LDAH: variants seen among roughly 807,000 people sequenced by gnomAD.
LDAH encodes the protein lipid droplet associated hydrolase.
In LDAH, 26 loss-of-function variants were observed where a neutral mutation model predicts 29.6. The observed-to-expected ratio is 0.88, with a 90% CI of 0.64 to 1.22. The LOEUF (loss-of-function observed/expected upper bound fraction) is 1.22. LDAH is among the 50% of genes most tolerant of loss of function. The pLI is 0.00. For missense variants in LDAH, 344 were observed against 387.3 expected (o/e 0.89, Z 0.94); for synonymous variants, 117 against 133.0 (o/e 0.88, Z 0.83).
At chr2:20,709,938 T>C (rs778999306) in intron 5 of LDAH, among the ~76,000 whole-genome samples, 2 of 152,086 alleles carry the variant, frequency 1.3e-5, no homozygotes, top group Non-Finnish European at 2.9e-5. Flanking sequence ...GCCAAAGCAG[T>C]AGTTAGAGAG....
downstream of LDAH, chr2:20,683,909 T>C (rs193136470): frequency 6.6e-6 from 1 of 151,940 alleles, no homozygotes; most frequent in African/African-American, 2.4e-5. Flanking sequence ...TGAAGTCTTA[T>C]GTCACAAACC....
intron 1 of LDAH, among the ~76,000 whole-genome samples, chr2:20,817,897 C>T (rs1450468567): frequency 4.6e-5 from 7 of 152,142 alleles, no homozygotes; most frequent in African/African-American, 1.7e-4. Context: ...AGTCCATCTA[C>T]ACAATATCCT....
intron 3 of LDAH, among the ~76,000 whole-genome samples, chr2:20,784,519 C>G (rs114791064): frequency 6.6e-6 from 1 of 152,116 alleles, no homozygotes; most frequent in Admixed American, 6.5e-5. Flanking sequence ...ACTCTCTATT[C>G]CTAGCTTTAA....
chr2:20,788,936 G>C (rs570519290), intron 3 of LDAH: 1 of 502,936 alleles, frequency 2.0e-6, no homozygotes, highest in East Asian at 3.6e-5. Flanking sequence ...GAGGTAGTTT[G>C]CATCTCCATG....
intron 4 of LDAH, among the ~76,000 whole-genome samples, chr2:20,741,037 C>G (rs1667134338): frequency 6.6e-6 from 1 of 152,098 alleles, no homozygotes; most frequent in Non-Finnish European, 1.5e-5. Flanking sequence ...TGTGGAGCAT[C>G]TTCTCATATG....
intron 6 of LDAH, among the ~76,000 whole-genome samples, chr2:20,690,324 T>C (rs1662910343): frequency 6.6e-6 from 1 of 152,238 alleles, no homozygotes; most frequent in Non-Finnish European, 1.5e-5. Context: ...AGCAGAACAG[T>C]GAGGAGTCTA....
At chr2:20,778,749 G>A (rs1417810631) in intron 3 of LDAH, among the ~76,000 whole-genome samples, 1 of 152,052 alleles carries the variant, frequency 6.6e-6, no homozygotes, top group Non-Finnish European at 1.5e-5. Flanking sequence ...CACAATAGAA[G>A]GGTAACGGCC....
intron 6 of LDAH, among the ~76,000 whole-genome samples, chr2:20,688,310 T>C (rs914769314): frequency 6.6e-6 from 1 of 152,102 alleles, no homozygotes; most frequent in African/African-American, 2.4e-5. Flanking sequence ...TGAAAGAGCA[T>C]GGCATGTGTG....
chr2:20,709,460 G>C (rs1049088831), intron 5 of LDAH, among the ~76,000 whole-genome samples: 22 of 151,672 alleles, frequency 1.5e-4, no homozygotes, highest in African/African-American at 5.1e-4. Context: ...ACCACAATGA[G>C]ATACTACTTC....
At chr2:20,781,452 C>T (rs897121451) in intron 3 of LDAH, among the ~76,000 whole-genome samples, 4 of 152,142 alleles carry the variant, frequency 2.6e-5, no homozygotes, top group Middle Eastern at 3.2e-3. Context: ...ATATTTTTCA[C>T]GCCATTATTT....
chr2:20,791,936 A>T (rs1670986510), intron 2 of LDAH, among the ~76,000 whole-genome samples: 1 of 152,112 alleles, frequency 6.6e-6, no homozygotes, highest in South Asian at 2.1e-4. Flanking sequence ...CAAATAATTC[A>T]GTTTATTTTT....
At chr2:20,713,969 C>G (rs1664970219) in intron 5 of LDAH, among the ~76,000 whole-genome samples, 1 of 152,148 alleles carries the variant, frequency 6.6e-6, no homozygotes, top group Non-Finnish European at 1.5e-5. Context: ...TTAGACAAAT[C>G]AATGAGCCAG....
At chr2:20,778,930 T>C (rs557143285) in intron 3 of LDAH, among the ~76,000 whole-genome samples, 54 of 152,090 alleles carry the variant, frequency 3.6e-4, no homozygotes, top group Admixed American at 6.6e-4. Flanking sequence ...TTCATATATA[T>C]ATATATATAT....
chr2:20,773,214 C>T (rs1404528689), intron 4 of LDAH, among the ~76,000 whole-genome samples: 2 of 151,846 alleles, frequency 1.3e-5, no homozygotes, highest in African/African-American at 2.4e-5. Context: ...CACAAAAATA[C>T]TTTGAAGAAC....
intron 5 of LDAH, among the ~76,000 whole-genome samples, chr2:20,702,672 G>A (rs1454637045): frequency 6.6e-6 from 1 of 151,992 alleles, no homozygotes; most frequent in East Asian, 1.9e-4. Flanking sequence ...CTAGTGGTTA[G>A]CCTTACCTAA....
At chr2:20,809,958 TAAGAA>T (rs1305344257) in intron 1 of LDAH, among the ~76,000 whole-genome samples, 2 of 152,234 alleles carry the variant, frequency 1.3e-5, no homozygotes, top group African/African-American at 4.8e-5. Flanking sequence ...TTACCATACT[TAAGAA>T]AATAAAGTGT....
chr2:20,691,543 T>C (rs1663025454), intron 6 of LDAH, among the ~76,000 whole-genome samples: 1 of 152,174 alleles, frequency 6.6e-6, no homozygotes, highest in Non-Finnish European at 1.5e-5. Context: ...CTGTGTGTCA[T>C]GGGGGTGATA....
chr2:20,757,937 C>T (rs1326952301), intron 4 of LDAH, among the ~76,000 whole-genome samples: 1 of 152,118 alleles, frequency 6.6e-6, no homozygotes, highest in East Asian at 1.9e-4. Context: ...ATTGGCTTTC[C>T]TAGGTCTGCA....
At chr2:20,769,581 C>T (rs1669268015) in intron 4 of LDAH, among the ~76,000 whole-genome samples, 1 of 152,100 alleles carries the variant, frequency 6.6e-6, no homozygotes, top group Non-Finnish European at 1.5e-5. Context: ...CTATTTTTTC[C>T]TTAGTATGGA....
Sources: gnomAD v4.1 joint callset for allele counts (sites outside exome capture counted in the v4.1 genomes callset) on GRCh38, gnomAD v4.1.1 for gene constraint, MANE v1.5 for transcripts, NCBI Gene and HGNC (gene_info 2026-07-23, HGNC 2026-07-21) for gene names.